Variants in MERTK observed in about 807,000 individuals in gnomAD.
MERTK encodes the protein tyrosine-protein kinase Mer.
MERTK carries 69 observed loss-of-function variants against 99.3 expected under a neutral mutation model. That is an observed-to-expected ratio of 0.70 (90% CI 0.57 to 0.85). The LOEUF (loss-of-function observed/expected upper bound fraction) is 0.85, where lower values mean the gene tolerates loss of function less well. Ranked by LOEUF, MERTK falls within the 40% of genes least tolerant of loss-of-function variation. MERTK has a pLI of 0.00. For synonymous variants in MERTK, 426 were observed against 467.6 expected, an observed-to-expected ratio of 0.91 and a Z score of 1.15; for missense variants, 1,125 against 1,249.4, an observed-to-expected ratio of 0.90 and a Z score of 1.50.
At chr2:111,948,698 C>G (rs1427491560) in intron 4 of MERTK, among the ~76,000 whole-genome samples, 1 of 152,174 alleles carries the variant, frequency 6.6e-6, no homozygotes, top group African/African-American at 2.4e-5. Context: ...TGTCTTTTCT[C>G]CACCCTGCTG....
intron 4 of MERTK, among the ~76,000 whole-genome samples, chr2:111,955,881 G>T (rs983125480): frequency 3.3e-5 from 5 of 151,434 alleles, no homozygotes; most frequent in African/African-American, 9.7e-5. Flanking sequence ...AAGTTAGTGG[G>T]TAAGCATGTT....
At chr2:111,924,019 G>T (rs957776069) in intron 1 of MERTK, among the ~76,000 whole-genome samples, 4 of 152,002 alleles carry the variant, frequency 2.6e-5, no homozygotes, top group South Asian at 4.1e-4. Flanking sequence ...GCATTGCACA[G>T]CTCTAGAGAA....
At chr2:111,911,951 A>G (rs1017776028) in intron 1 of MERTK, among the ~76,000 whole-genome samples, 1 of 151,610 alleles carries the variant, frequency 6.6e-6, no homozygotes, top group African/African-American at 2.4e-5. Flanking sequence ...GGCCTGCCAA[A>G]GTGTGGGGAT....
At chr2:111,919,072 AC>A (rs1311907490) in intron 1 of MERTK, among the ~76,000 whole-genome samples, 2 of 152,174 alleles carry the variant, frequency 1.3e-5, no homozygotes, top group Non-Finnish European at 2.9e-5. Flanking sequence ...ACACAAGGTC[AC>A]CTGGCCTCTA....
At chr2:112,006,209 A>G (rs1676976781) in intron 13 of MERTK, among the ~76,000 whole-genome samples, 1 of 152,114 alleles carries the variant, frequency 6.6e-6, no homozygotes, top group South Asian at 2.1e-4. Flanking sequence ...TTCAGCTATA[A>G]AAAGGAACCA....
intron 15 of MERTK, 68 bp downstream of exon 15, chr2:112,010,134 A>G: frequency 8.7e-7 from 1 of 1,151,936 alleles, no homozygotes; most frequent in Non-Finnish European, 1.3e-6. Flanking sequence ...GGACAACCAA[A>G]TCATCTAATC....
chr2:111,937,934 A>G (rs565114445), intron 2 of MERTK, among the ~76,000 whole-genome samples: 11 of 152,236 alleles, frequency 7.2e-5, no homozygotes, highest in Non-Finnish European at 1.5e-4. Flanking sequence ...TATATATAAC[A>G]TAAAGTCCCC....
At chr2:111,962,780 T>A (rs146734505) in intron 4 of MERTK, among the ~76,000 whole-genome samples, 2 of 152,220 alleles carry the variant, frequency 1.3e-5, no homozygotes, top group African/African-American at 4.8e-5. Flanking sequence ...ATCTATGTCT[T>A]ATTAGGCTCC....
intron 16 of MERTK, among the ~76,000 whole-genome samples, chr2:112,019,845 C>T (rs1461283328): frequency 2.6e-5 from 4 of 152,172 alleles, no homozygotes; most frequent in East Asian, 1.9e-4. Flanking sequence ...GTTATGTGTA[C>T]GTCAGCTCCT....
rs781350196 is a variant in MERTK at position 111,929,126 on chromosome 2, C to T, written c.68C>T (p.Thr23Ile). 6.2e-7 allele frequency: 1 copy of T among 1,614,196 alleles called. No individual in the cohort carries two copies. The highest frequency in any genetic ancestry group is 8.5e-7 in the Non-Finnish European group (1 of 1,180,038). ...FLPALWRRAI[T>I]EAREEAKPYP... The stretch of plus-strand genomic sequence containing the variant: ...TGGATGTTCTGTTTTACAGCTATCA[C>T]TGAGGCAAGGGAAGAAGCCAAGCCT... The change falls in exon 2 of 19, where the codon ACT becomes ATT. Residue 23 changes from threonine to isoleucine, a missense_variant. Transcript: ENST00000295408.
At chr2:112,025,750 T>C (rs72825672) in intron 18 of MERTK, among the ~76,000 whole-genome samples, 4,398 of 152,268 alleles carry the variant, frequency 0.029, 84 homozygotes, top group Middle Eastern at 0.068. Context: ...ATGAGTAAAG[T>C]CATACATTTA....
At chr2:111,984,935 A>G (rs1213487770) in intron 8 of MERTK, among the ~76,000 whole-genome samples, 1 of 152,162 alleles carries the variant, frequency 6.6e-6, no homozygotes, top group African/African-American at 2.4e-5. Context: ...GTGTGCTTGG[A>G]ACTGGGTAGG....
chr2:111,974,769 C>CAAAAAAAAAAAAAAAAAAAAA (rs35594851), intron 6 of MERTK, among the ~76,000 whole-genome samples: 6 of 53,368 alleles, frequency 1.1e-4, no homozygotes, highest in African/African-American at 2.2e-4. Context: ...AGGTCCATCT[C>CAAAAAAAAAAAAAAAAAAAAA]AAAAAAAAAA....
At chr2:112,001,126 G>A in intron 10 of MERTK, 75 bp from the exon 11 acceptor site, 2 of 1,122,940 alleles carry the variant, frequency 1.8e-6, no homozygotes, top group Non-Finnish European at 2.7e-6. Context: ...AAGCTCTGTA[G>A]CATCCTTGTG....
At chr2:111,979,910 T>C (rs1481883726) in intron 7 of MERTK, among the ~76,000 whole-genome samples, 1 of 152,202 alleles carries the variant, frequency 6.6e-6, no homozygotes, top group Non-Finnish European at 1.5e-5. Context: ...GTCCCTGATA[T>C]TCAGTGGGGA....
intron 1 of MERTK, among the ~76,000 whole-genome samples, chr2:111,917,232 A>C (rs1684367794): frequency 6.6e-6 from 1 of 152,184 alleles, no homozygotes; most frequent in African/African-American, 2.4e-5. Context: ...CACACCAGTC[A>C]GTGGGGCTAG....
intron 5 of MERTK, 108 bp from the exon 6 acceptor site, chr2:111,968,029 T>G (rs1322810721): frequency 2.5e-6 from 2 of 801,410 alleles, no homozygotes; most frequent in East Asian, 5.1e-5. Flanking sequence ...CCTTTACTAA[T>G]CTCAAGGAAC....
chr2:112,022,263 A>G lies in MERTK; in HGVS notation c.2355A>G (p.Ala785=), dbSNP rs1457230403. ...TGTTGTTGCTTTGTTCCCAGTGGGC[A>G]TTTGGCGTGACCATGTGGGAAATAG... ...RVYTSKSDVW[A]FGVTMWEIAT... Residue 785 remains alanine, a synonymous_variant, in exon 18 of 19, where the codon GCA becomes GCG. Coordinates refer to ENST00000295408, the MANE Select transcript of MERTK (RefSeq NM_006343.3). 6.2e-7 allele frequency: 1 copy of G among 1,614,184 alleles called. No individual in the cohort carries two copies. Among genetic ancestry groups the G allele is most frequent in the Non-Finnish European group, 8.5e-7 (1 of 1,180,030 alleles).
intron 11 of MERTK, among the ~76,000 whole-genome samples, chr2:112,002,055 A>G (rs1477372232): frequency 6.6e-6 from 1 of 151,990 alleles, no homozygotes; most frequent in Non-Finnish European, 1.5e-5. Flanking sequence ...TCTGAGAACT[A>G]ATGTGTCCTA....
Sources: gnomAD v4.1 joint callset for allele counts (sites outside exome capture counted in the v4.1 genomes callset) on GRCh38, gnomAD v4.1.1 for gene constraint, MANE v1.5 for transcripts, NCBI Gene and HGNC (gene_info 2026-07-23, HGNC 2026-07-21) for gene names.